The following ZNG1F variants were observed in gnomAD, a reference collection of about 807,000 sequenced individuals.
ZNG1F encodes Zn regulated GTPase metalloprotein activator 1F.
chr9:41,144,476 AT>A, the ZNG1F span, among the ~76,000 whole-genome samples: 1 of 137,268 alleles, frequency 7.3e-6, no homozygotes, highest in East Asian at 2.3e-4. Context: ...GGAATATCCT[AT>A]TAACAAAAGT....
At chr9:41,199,760 T>G in the ZNG1F span, among the ~76,000 whole-genome samples, 1 of 152,110 alleles carries the variant, frequency 6.6e-6, no homozygotes, top group Non-Finnish European at 1.5e-5. Flanking sequence ...CTTCTACATC[T>G]TCTGATATCT....
the ZNG1F span, among the ~76,000 whole-genome samples, chr9:41,155,307 A>G: frequency 6.6e-6 from 1 of 150,386 alleles, no homozygotes; most frequent in South Asian, 2.1e-4. Flanking sequence ...ACAATGAGAT[A>G]CTATCTCACA....
chr9:41,204,637 T>C, the ZNG1F span, among the ~76,000 whole-genome samples: 1 of 38,642 alleles, frequency 2.6e-5, no homozygotes, highest in Middle Eastern at 0.012. Flanking sequence ...CACTTGAGTT[T>C]GTTTATTTAG....
chr9:41,180,948 T>C, the ZNG1F span, among the ~76,000 whole-genome samples: 41 of 149,020 alleles, frequency 2.8e-4, no homozygotes, highest in African/African-American at 8.7e-4. Flanking sequence ...CCCAAAGTGC[T>C]GGGATTACAG....
the ZNG1F span, among the ~76,000 whole-genome samples, chr9:41,155,459 G>T: frequency 7.1e-6 from 1 of 140,094 alleles, no homozygotes; most frequent in Admixed American, 7.5e-5. Flanking sequence ...ATTCCTCAGG[G>T]ATCTAGAACT....
At chr9:41,174,257 A>AAAAAAAAAAAAAAAAAAAAAAG in the ZNG1F span, 1 of 1,278,628 alleles carries the variant, frequency 7.8e-7, no homozygotes, top group Non-Finnish European at 1.1e-6. Context: ...AAAAAAAAAA[A>AAAAAAAAAAAAAAAAAAAAAAG]CAAGAAAGAT....
chr9:41,178,822 T>C, the ZNG1F span, among the ~76,000 whole-genome samples: 2 of 100,100 alleles, frequency 2.0e-5, no homozygotes, highest in Non-Finnish European at 2.1e-5. Context: ...CATCTCGGCC[T>C]CCCAAAGTGC....
At chr9:41,132,040 T>C in the ZNG1F span, 13 of 1,383,672 alleles carry the variant, frequency 9.4e-6, no homozygotes, top group South Asian at 1.5e-4. Context: ...TTTTCTAAAA[T>C]TGAAGAAGAA....
At chr9:41,154,693 T>G in the ZNG1F span, among the ~76,000 whole-genome samples, 1 of 148,650 alleles carries the variant, frequency 6.7e-6, no homozygotes, top group African/African-American at 2.5e-5. Flanking sequence ...CCCTCAGAAA[T>G]AATGCCGCAT....
chr9:41,140,923 C>G, the ZNG1F span, among the ~76,000 whole-genome samples: 4 of 151,644 alleles, frequency 2.6e-5, no homozygotes, highest in African/African-American at 9.7e-5. Context: ...AATGGGGTTT[C>G]ACCATGTTGC....
chr9:41,169,187 C>T, the ZNG1F span, among the ~76,000 whole-genome samples: 4 of 151,306 alleles, frequency 2.6e-5, no homozygotes, highest in Non-Finnish European at 4.4e-5. Flanking sequence ...GACATCAGCC[C>T]TGCATTTCCC....
the ZNG1F span, among the ~76,000 whole-genome samples, chr9:41,152,327 T>A: frequency 4.0e-5 from 6 of 149,184 alleles, no homozygotes; most frequent in African/African-American, 7.4e-5. Flanking sequence ...ATGCACCCAA[T>A]ACAGGAGCAC....
the ZNG1F span, chr9:41,165,131 T>C: frequency 2.0e-6 from 3 of 1,488,194 alleles, 1 homozygote; most frequent in Non-Finnish European, 2.7e-6. Context: ...TTTTAAATAA[T>C]ATACACGCAT....
chr9:41,187,061 T>G, the ZNG1F span, among the ~76,000 whole-genome samples: 2 of 146,608 alleles, frequency 1.4e-5, no homozygotes, highest in African/African-American at 5.0e-5. Context: ...ATGTGAAAAC[T>G]GAAAGGAAAG....
At chr9:41,205,177 G>A in the ZNG1F span, among the ~76,000 whole-genome samples, 1 of 128,772 alleles carries the variant, frequency 7.8e-6, no homozygotes, top group East Asian at 2.3e-4. Context: ...TAAATCCTAT[G>A]TTTTCCTCTT....
At chr9:41,138,849 A>G in the ZNG1F span, among the ~76,000 whole-genome samples, 1 of 130,776 alleles carries the variant, frequency 7.6e-6, no homozygotes, top group Non-Finnish European at 1.6e-5. Context: ...TATGCTATCT[A>G]GTTCATTGAA....
At chr9:41,185,375 TAA>T in the ZNG1F span, among the ~76,000 whole-genome samples, 1 of 141,836 alleles carries the variant, frequency 7.1e-6, no homozygotes, top group Admixed American at 7.3e-5. Context: ...TTCTAATTCC[TAA>T]AAAAGACATT....
At chr9:41,138,968 T>C in the ZNG1F span, among the ~76,000 whole-genome samples, 1 of 133,580 alleles carries the variant, frequency 7.5e-6, no homozygotes, top group African/African-American at 3.0e-5. Context: ...TGAATTCTTT[T>C]TCAAGTAAGT....
chr9:41,160,951 CAGA>C, the ZNG1F span: 1 of 280,978 alleles, frequency 3.6e-6, no homozygotes, highest in Non-Finnish European at 4.4e-6. Flanking sequence ...GAAGAATTCA[CAGA>C]AGATTTTAGT....
Sources: allele counts gnomAD v4.1 joint callset (sites outside exome capture counted in the v4.1 genomes callset), GRCh38; gene constraint gnomAD v4.1.1; transcripts MANE v1.5; gene names NCBI Gene and HGNC (gene_info 2026-07-23, HGNC 2026-07-21).